Variants in FGF14 observed in about 807,000 individuals in gnomAD.
The protein encoded by FGF14 is fibroblast growth factor 14.
FGF14 carries 5 observed loss-of-function variants against 25.5 expected under a neutral mutation model. The observed-to-expected ratio is 0.20, with a 90% CI of 0.10 to 0.41. FGF14 has a LOEUF of 0.41. Among genes scored for constraint, FGF14 ranks in the 10% least tolerant of loss-of-function variants. The pLI, the probability that FGF14 is intolerant of heterozygous loss-of-function variation, is 1.00. For synonymous variants in FGF14, 138 were observed against 118.3 expected, an observed-to-expected ratio of 1.17 and a Z score of -1.08; for missense variants, 222 against 320.1, an observed-to-expected ratio of 0.69 and a Z score of 2.34.
chr13:102,103,020 A>G (rs2044733071), intron 1 of FGF14, among the ~76,000 whole-genome samples: 1 of 152,182 alleles, frequency 6.6e-6, no homozygotes, highest in South Asian at 2.1e-4. Flanking sequence ...GCAAAATATT[A>G]TTTCTTCAAA....
At position 101,713,177 on chromosome 13, in the gene FGF14, C is replaced by T. The variant is rs2034555881; in HGVS notation, c.*9654G>A. On this transcript the variant is annotated 3_prime_UTR_variant, in exon 5 of 5. Coordinates refer to ENST00000376143, the MANE Select transcript of FGF14 (RefSeq NM_004115.4). ...ATTTTTGCAGCTGAAATGCATATAC[C>T]AGTTTCCCTGATATGAAATATCACA... is the stretch of plus-strand genomic sequence containing the variant. 1 of 152,102 alleles carries T rather than the reference C, an allele frequency of 6.6e-6. No homozygotes were observed. The highest frequency in any genetic ancestry group is 2.4e-5 in the African/African-American group (1 of 41,414). 9.4% of individuals were successfully genotyped at this position (152,102 alleles called of 1,614,324 possible).
intron 1 of FGF14, among the ~76,000 whole-genome samples, chr13:102,210,819 T>G (rs1435104457): frequency 6.6e-6 from 1 of 152,090 alleles, no homozygotes; most frequent in Non-Finnish European, 1.5e-5. Context: ...GGTTTCAAGG[T>G]AGAGAAAAAT....
chr13:102,041,595 A>AAAAAAAAAGAG (rs1175485223), intron 1 of FGF14, among the ~76,000 whole-genome samples: 210 of 149,946 alleles, frequency 1.4e-3, no homozygotes, highest in African/African-American at 4.5e-3. Context: ...AAAAAAAAAA[A>AAAAAAAAAGAG]AGAGAGATTT....
chr13:102,370,516 G>T (rs2057847952), intron 1 of FGF14, among the ~76,000 whole-genome samples: 3 of 152,028 alleles, frequency 2.0e-5, no homozygotes, highest in Non-Finnish European at 4.4e-5. Flanking sequence ...CTCCTGAGTA[G>T]CTGGGATTAT....
chr13:102,374,079 G>A (rs190418859), intron 1 of FGF14, among the ~76,000 whole-genome samples: 1 of 152,230 alleles, frequency 6.6e-6, no homozygotes, highest in East Asian at 1.9e-4. Flanking sequence ...GAAAGTCTAT[G>A]TCTAATTGTA....
rs2034850677 is a variant in FGF14 at position 101,719,551 on chromosome 13, A to G, written c.*3280T>C. The G allele has an allele frequency of 6.6e-6, 1 of 152,096 alleles. No individual in the cohort carries two copies. Among genetic ancestry groups the G allele is most frequent in the African/African-American group, 2.4e-5 (1 of 41,430 alleles). The allele number at this position is 152,096 out of a possible 1,614,324, so 9.4% of individuals were successfully genotyped here. A position where few individuals can be genotyped will look rare whatever the true frequency, so the allele number is the denominator to read the frequency against. On this transcript the variant is annotated 3_prime_UTR_variant, in exon 5 of 5. Transcript: ENST00000376143. ...ATTTTTCCAAGTAAAGTGGTAGCAA[A>G]ATGTTTTAAAAAGCAATCTTATATT...
chr13:102,008,547 T>C (rs2139785082), intron 1 of FGF14, among the ~76,000 whole-genome samples: 1 of 152,324 alleles, frequency 6.6e-6, no homozygotes, highest in Middle Eastern at 3.4e-3. Context: ...TGACGTTCAG[T>C]CATGTAATGT....
intron 3 of FGF14, among the ~76,000 whole-genome samples, chr13:101,803,533 G>C (rs1013812959): frequency 1.3e-5 from 2 of 150,768 alleles, no homozygotes; most frequent in Non-Finnish European, 3.0e-5. Context: ...AACATAATTG[G>C]CAATATTGTT....
At chr13:102,043,574 G>A (rs1232566038) in intron 1 of FGF14, among the ~76,000 whole-genome samples, 1 of 152,120 alleles carries the variant, frequency 6.6e-6, no homozygotes. Context: ...GCAGGTTTGA[G>A]GGAGAAATTA....
chr13:102,041,429 G>A (rs1382496998), intron 1 of FGF14, among the ~76,000 whole-genome samples: 1 of 151,514 alleles, frequency 6.6e-6, no homozygotes, highest in East Asian at 1.9e-4. Context: ...TATTCCTATT[G>A]CTATTTGTGA....
chr13:102,293,119 G>C (rs1324403788), intron 1 of FGF14: 2 of 152,244 alleles, frequency 1.3e-5, no homozygotes, highest in East Asian at 3.9e-4. Context: ...ATCCATTCCT[G>C]CCTCTCACCT....
At chr13:101,920,157 G>A (rs1180954256), upstream of FGF14, among the ~76,000 whole-genome samples, 1 of 152,222 alleles carries the variant, frequency 6.6e-6, no homozygotes, top group Non-Finnish European at 1.5e-5. Flanking sequence ...AATGTGCAAA[G>A]CTAGGGTGAA....
At chr13:101,907,420 T>A in intron 1 of FGF14, among the ~76,000 whole-genome samples, 1 of 152,182 alleles carries the variant, frequency 6.6e-6, no homozygotes, top group Non-Finnish European at 1.5e-5. Context: ...AGTATTTCGA[T>A]GCTAACTTTA....
intron 1 of FGF14, among the ~76,000 whole-genome samples, chr13:102,314,944 T>C (rs1011455162): frequency 1.3e-5 from 2 of 148,382 alleles, no homozygotes; most frequent in African/African-American, 4.9e-5. Flanking sequence ...ATTATACATA[T>C]TATATTAATA....
Position 101,716,845 on chromosome 13 carries a change from C to T in FGF14, c.*5986G>A, listed in dbSNP as rs1239524162. 1 of 150,446 alleles carries T rather than the reference C, an allele frequency of 6.6e-6. No homozygotes were observed. Among genetic ancestry groups the T allele is most frequent in the African/African-American group, 2.4e-5 (1 of 40,960 alleles). 9.3% of individuals were successfully genotyped at this position (150,446 alleles called of 1,614,324 possible). ...TAAATAGAAATTACAAATATTCACT[C>T]AGTGATAGGAACAAAATGTTTATTT... On this transcript the variant is annotated 3_prime_UTR_variant, in exon 5 of 5. Coordinates refer to ENST00000376143, the MANE Select transcript of FGF14 (RefSeq NM_004115.4).
chr13:102,078,558 C>T (rs1331810511), intron 1 of FGF14, among the ~76,000 whole-genome samples: 1 of 152,128 alleles, frequency 6.6e-6, no homozygotes. Context: ...AGGACTCTTA[C>T]GAAGACATCT....
At chr13:102,243,360 T>C (rs746998939) in intron 1 of FGF14, among the ~76,000 whole-genome samples, 6 of 152,154 alleles carry the variant, frequency 3.9e-5, no homozygotes, top group Non-Finnish European at 4.4e-5. Flanking sequence ...AGGAACTCCA[T>C]TTGAATATGG....
intron 1 of FGF14, among the ~76,000 whole-genome samples, chr13:102,397,981 T>A (rs566481051): frequency 3.3e-5 from 5 of 151,822 alleles, no homozygotes; most frequent in Non-Finnish European, 1.5e-5. Flanking sequence ...AATGCATAGC[T>A]GTTGCTCTGC....
intron 3 of FGF14, among the ~76,000 whole-genome samples, chr13:101,853,440 T>G (rs1197841343): frequency 6.6e-6 from 1 of 152,028 alleles, no homozygotes; most frequent in East Asian, 1.9e-4. Flanking sequence ...GTGTATTATT[T>G]ATTTATTTTT....
Sources: gnomAD v4.1 joint callset for allele counts (sites outside exome capture counted in the v4.1 genomes callset) on GRCh38, gnomAD v4.1.1 for gene constraint, MANE v1.5 for transcripts, NCBI Gene and HGNC (gene_info 2026-07-23, HGNC 2026-07-21) for gene names.